DMD: variants seen among roughly 807,000 people sequenced by gnomAD.
The protein encoded by DMD is dystrophin.
In DMD, 63 loss-of-function variants were observed where a neutral mutation model predicts 330.1. The observed-to-expected ratio is 0.19, with a 90% confidence interval of 0.16 to 0.24. The LOEUF (loss-of-function observed/expected upper bound fraction) is 0.24, where lower values mean the gene tolerates loss of function less well. Ranked by LOEUF, DMD falls within the 10% of genes least tolerant of loss-of-function variation. The pLI is 1.00. For missense variants in DMD, 3,344 were observed against 2,684.1 expected, an observed-to-expected ratio of 1.25 and a Z score of -5.43; for synonymous variants, 1,223 against 959.8, an observed-to-expected ratio of 1.27 and a Z score of -5.07.
At chrX:31,467,141 T>C (rs1178240933) in intron 59 of DMD, among the ~76,000 whole-genome samples, 2 of 111,436 alleles carry the variant, frequency 1.8e-5, no homozygotes, top group African/African-American at 3.3e-5. Context: ...CTCTTCCTAT[T>C]TGAATACCCT....
intron 32 of DMD, among the ~76,000 whole-genome samples, chrX:32,386,810 A>G (rs1301953944): frequency 9.1e-6 from 1 of 110,027 alleles, no homozygotes; most frequent in Non-Finnish European, 1.9e-5. Flanking sequence ...TAAATGTTGG[A>G]GTTATATAAT....
chrX:31,785,758 T>C (rs891132766), intron 50 of DMD, among the ~76,000 whole-genome samples: 2 of 111,468 alleles, frequency 1.8e-5, no homozygotes, highest in East Asian at 2.8e-4. Context: ...GCTTCATCCA[T>C]GTCCTTACAA....
chrX:33,208,433 A>AATTTTCTAT (rs2051704320), intron 1 of DMD, among the ~76,000 whole-genome samples: 1 of 110,910 alleles, frequency 9.0e-6, no homozygotes, highest in Non-Finnish European at 1.9e-5. Flanking sequence ...GGCTGTATCC[A>AATTTTCTAT]ATTTTCTATT....
intron 30 of DMD, among the ~76,000 whole-genome samples, chrX:32,408,145 T>A (rs1260954717): frequency 8.9e-6 from 1 of 111,825 alleles, no homozygotes; most frequent in Non-Finnish European, 1.9e-5. Flanking sequence ...GTGAATTGGC[T>A]AAGTGTTATC....
At chrX:31,324,307 C>T (rs1434956694) in intron 61 of DMD, among the ~76,000 whole-genome samples, 1 of 110,132 alleles carries the variant, frequency 9.1e-6, no homozygotes, top group East Asian at 2.8e-4. Context: ...GTGATGAATC[C>T]TATACGTGAA....
chrX:32,609,154 A>G (rs2056966191), intron 12 of DMD, among the ~76,000 whole-genome samples: 1 of 110,534 alleles, frequency 9.0e-6, no homozygotes, highest in Non-Finnish European at 1.9e-5. Context: ...TGATATCCAG[A>G]ATGCTTTGTA....
chrX:31,497,070 G>T (rs2069938256), intron 56 of DMD, 126 bp from the exon 57 acceptor site: 2 of 897,416 alleles, frequency 2.2e-6, no homozygotes, highest in South Asian at 2.3e-5. Flanking sequence ...TAAAAATCTG[G>T]CTACTTACTT....
At chrX:31,346,069 A>T (rs1445842514) in intron 61 of DMD, among the ~76,000 whole-genome samples, 1 of 111,170 alleles carries the variant, frequency 9.0e-6, no homozygotes, top group Admixed American at 9.7e-5. Context: ...AAAGAAAGGA[A>T]ATGATCAGAA....
At position 31,313,353 on chromosome X, in the gene DMD, A is replaced by G. The variant is rs747504363; in HGVS notation, c.9224+10245T>C. On this transcript the variant is annotated intron_variant, in intron 62 of 78. Coordinates refer to ENST00000357033, the MANE Select transcript of DMD (RefSeq NM_004006.3). The stretch of plus-strand genomic sequence containing the variant: ...ATACGCCAAGGAAAATCCACCTAAC[A>G]GTGCAGGGAAGGACTACTAGAGTAG... 5.4e-5 allele frequency among the ~76,000 whole-genome samples: 6 copies of G among 110,302 alleles called. No individual in the cohort carries two copies. The East Asian group carries it at 1.7e-3, about 31-fold the overall frequency.
At chrX:31,981,710 A>C (rs901626502) in intron 44 of DMD, among the ~76,000 whole-genome samples, 27 of 111,402 alleles carry the variant, frequency 2.4e-4, no homozygotes, top group Non-Finnish European at 4.3e-4. Context: ...TGTCAAGGAG[A>C]ATGTTCATCA....
At chrX:32,376,789 G>T (rs2097904931) in intron 34 of DMD, among the ~76,000 whole-genome samples, 4 of 109,395 alleles carry the variant, frequency 3.7e-5, no homozygotes, top group African/African-American at 1.3e-4. Context: ...AGGGATTTTT[G>T]ATAAACCGCA....
At chrX:31,241,489 T>A (rs909224247) in intron 63 of DMD, among the ~76,000 whole-genome samples, 2 of 112,201 alleles carry the variant, frequency 1.8e-5, no homozygotes, top group Non-Finnish European at 3.8e-5. Context: ...CCCATAAGTA[T>A]GTAATTCAAT....
intron 62 of DMD, among the ~76,000 whole-genome samples, chrX:31,304,606 TA>T (rs2054885974): frequency 1.2e-5 from 1 of 85,881 alleles, no homozygotes; most frequent in Non-Finnish European, 2.1e-5. Context: ...GAGCATTTTA[TA>T]TATATATATA....
chrX:33,329,264 T>C (rs1481599286), intron 1 of DMD, among the ~76,000 whole-genome samples: 1 of 111,639 alleles, frequency 9.0e-6, no homozygotes. Context: ...AAGGCTGAAA[T>C]TAAAGACTAA....
At chrX:31,170,871 C>T (rs1365335156) in intron 73 of DMD, among the ~76,000 whole-genome samples, 1 of 111,914 alleles carries the variant, frequency 8.9e-6, no homozygotes, top group Non-Finnish European at 1.9e-5. Context: ...TAATTTATCA[C>T]ACTCATTCCA....
chrX:31,294,877 A>G (rs775713452), intron 62 of DMD, among the ~76,000 whole-genome samples: 1 of 112,433 alleles, frequency 8.9e-6, no homozygotes, highest in East Asian at 2.8e-4. Context: ...CGTAGTGTTG[A>G]TTGAAGAGTG....
At chrX:32,601,670 A>G (rs897107484) in intron 12 of DMD, among the ~76,000 whole-genome samples, 3 of 73,908 alleles carry the variant, frequency 4.1e-5, no homozygotes, top group African/African-American at 1.3e-4. Context: ...GTAGCATCTG[A>G]AATCAGATTT....
intron 15 of DMD, among the ~76,000 whole-genome samples, chrX:32,572,235 CA>C (rs751403970): frequency 0.028 from 3,104 of 109,490 alleles, 50 homozygotes; most frequent in Admixed American, 0.043. Context: ...ATTTATGGAG[CA>C]AAAAAAATGT....
intron 60 of DMD, among the ~76,000 whole-genome samples, chrX:31,399,226 G>C (rs960125493): frequency 9.1e-5 from 10 of 109,828 alleles, no homozygotes; most frequent in South Asian, 4.1e-4. Flanking sequence ...GGCTCTCAGT[G>C]GGAAGGGGAG....
Sources: gnomAD v4.1 joint callset for allele counts (sites outside exome capture counted in the v4.1 genomes callset) on GRCh38, gnomAD v4.1.1 for gene constraint, MANE v1.5 for transcripts, NCBI Gene and HGNC (gene_info 2026-07-23, HGNC 2026-07-21) for gene names.